IGF1R: variants seen among roughly 807,000 people sequenced by gnomAD.
IGF1R encodes the protein insulin-like growth factor 1 receptor.
In IGF1R, 44 loss-of-function variants were observed where a neutral mutation model predicts 144.6. The observed-to-expected ratio is 0.30, with a 90% confidence interval of 0.24 to 0.39. IGF1R has a LOEUF of 0.39. Among genes scored for constraint, IGF1R ranks in the 10% least tolerant of loss-of-function variants. The pLI is 1.00. For synonymous variants in IGF1R, 795 were observed against 722.8 expected, an observed-to-expected ratio of 1.10 and a Z score of -1.60; for missense variants, 1,355 against 1,833.7, an observed-to-expected ratio of 0.74 and a Z score of 4.77.
At chr15:98,833,433 T>C (rs2057037786) in intron 2 of IGF1R, among the ~76,000 whole-genome samples, 3 of 152,192 alleles carry the variant, frequency 2.0e-5, no homozygotes, top group Non-Finnish European at 2.9e-5. Context: ...GCACAGTATT[T>C]CCATCAGCTA....
At chr15:98,726,230 G>C (rs990463909) in intron 2 of IGF1R, among the ~76,000 whole-genome samples, 1 of 152,208 alleles carries the variant, frequency 6.6e-6, no homozygotes, top group Non-Finnish European at 1.5e-5. Flanking sequence ...GTGCCATGCA[G>C]CTAAGCAGCC....
chr15:98,912,716 C>G (rs1029337745), intron 7 of IGF1R, among the ~76,000 whole-genome samples: 1 of 151,380 alleles, frequency 6.6e-6, no homozygotes, highest in African/African-American at 2.4e-5. Flanking sequence ...CATTAACTGA[C>G]TATGCTTGTT....
intron 1 of IGF1R, among the ~76,000 whole-genome samples, chr15:98,664,387 G>A (rs1307929748): frequency 1.3e-5 from 2 of 152,140 alleles, no homozygotes; most frequent in African/African-American, 2.4e-5. Context: ...CCATCAGGCC[G>A]AGTGCGGTGG....
At chr15:98,733,718 A>G (rs1179723841) in intron 2 of IGF1R, among the ~76,000 whole-genome samples, 1 of 152,172 alleles carries the variant, frequency 6.6e-6, no homozygotes, top group Non-Finnish European at 1.5e-5. Flanking sequence ...AGGTCTTAAC[A>G]AGATCTAGGT....
chr15:98,927,971 T>C (rs2015788390), intron 13 of IGF1R, among the ~76,000 whole-genome samples: 1 of 152,214 alleles, frequency 6.6e-6, no homozygotes, highest in South Asian at 2.1e-4. Flanking sequence ...TCGAAAGGCC[T>C]CTTCTCTCCT....
At position 98,753,380 on chromosome 15, in the gene IGF1R, C is replaced by CTTTT. The variant is rs1173073572; in HGVS notation, c.640+45294_640+45297dup. On this transcript the variant is annotated intron_variant, in intron 2 of 20. Coordinates refer to ENST00000650285, the MANE Select transcript of IGF1R (RefSeq NM_000875.5). The stretch of plus-strand genomic sequence containing the variant: ...CACAAGTATGCACCACCATACCTGG[C>CTTTT]TTTTTTTTTTTTTTTTTTTTTTTTG... Among the ~76,000 whole-genome samples the CTTTT allele has an allele frequency of 6.3e-4, 38 of 60,292 alleles. 3 individuals carry two copies. Among genetic ancestry groups the CTTTT allele is most frequent in the African/African-American group, 2.0e-3 (29 of 14,640 alleles). The allele number at this position is 60,292 out of a possible 152,430, so 39.6% of individuals were successfully genotyped here.
intron 2 of IGF1R, among the ~76,000 whole-genome samples, chr15:98,854,860 A>C (rs1596362724): frequency 6.6e-6 from 1 of 151,508 alleles, no homozygotes; most frequent in African/African-American, 2.4e-5. Context: ...CAGTACGAGT[A>C]CCCTGGCCTG....
At chr15:98,936,954 C>G (rs1163533469) in intron 17 of IGF1R, among the ~76,000 whole-genome samples, 1 of 152,190 alleles carries the variant, frequency 6.6e-6, no homozygotes, top group Non-Finnish European at 1.5e-5. Flanking sequence ...GGCATGATCT[C>G]AGCTCACTGC....
At chr15:98,683,540 C>T (rs1596181372) in intron 1 of IGF1R, among the ~76,000 whole-genome samples, 4 of 152,156 alleles carry the variant, frequency 2.6e-5, no homozygotes, top group Admixed American at 2.6e-4. Flanking sequence ...ATGAGGTAAT[C>T]TTAGCTCAGC....
intron 2 of IGF1R, among the ~76,000 whole-genome samples, chr15:98,818,040 G>C (rs2056731189): frequency 6.6e-6 from 1 of 152,190 alleles, no homozygotes. Context: ...CTCATATAGT[G>C]GTGGGAGAGA....
intron 2 of IGF1R, among the ~76,000 whole-genome samples, chr15:98,802,774 T>C (rs1800381237): frequency 6.6e-6 from 1 of 152,228 alleles, no homozygotes; most frequent in Admixed American, 6.5e-5. Flanking sequence ...TTTTCTCATA[T>C]ATTAGCGGTC....
chr15:98,757,772 G>A (rs1309341868), intron 2 of IGF1R, among the ~76,000 whole-genome samples: 1 of 152,064 alleles, frequency 6.6e-6, no homozygotes, highest in East Asian at 1.9e-4. Flanking sequence ...TAATAGGGAC[G>A]TTCTGCCTTG....
chr15:98,810,278 G>A (rs2056558051), intron 2 of IGF1R, among the ~76,000 whole-genome samples: 1 of 152,142 alleles, frequency 6.6e-6, no homozygotes, highest in South Asian at 2.1e-4. Context: ...CATCCACTCT[G>A]TGCTTCAGCC....
At chr15:98,731,350 C>A (rs75745671) in intron 2 of IGF1R, among the ~76,000 whole-genome samples, 3 of 152,118 alleles carry the variant, frequency 2.0e-5, no homozygotes, top group Non-Finnish European at 4.4e-5. Context: ...TTCTCCTCTG[C>A]GTAAATCATC....
At chr15:98,691,942 C>T (rs2053486797) in intron 1 of IGF1R, among the ~76,000 whole-genome samples, 1 of 152,166 alleles carries the variant, frequency 6.6e-6, no homozygotes, top group Non-Finnish European at 1.5e-5. Context: ...TATGCTCCTC[C>T]CAAAAGTAGG....
rs57028832 is a variant in IGF1R at position 98,689,690 on chromosome 15, C to G, written c.95-17872C>G. On this transcript the variant is annotated intron_variant, in intron 1 of 20. Transcript: ENST00000650285. ...CTCAGAAGGCACATTAGGTTCTTGC[C>G]ACACTTTGCTGCCATCACAGATGGA... Among the ~76,000 whole-genome samples the G allele has an allele frequency of 4.4e-3, 675 of 152,302 alleles. 3 individuals carry two copies. Among genetic ancestry groups the G allele is most frequent in the African/African-American group, 0.015 (636 of 41,564 alleles).
chr15:98,772,523 T>A (rs2055613818), intron 2 of IGF1R, among the ~76,000 whole-genome samples: 2 of 149,782 alleles, frequency 1.3e-5, no homozygotes, highest in Non-Finnish European at 3.0e-5. Context: ...ATTTTAAGAA[T>A]TAGGTCTCTG....
chr15:98,950,204 C>T (rs1039797667), intron 20 of IGF1R, among the ~76,000 whole-genome samples: 5 of 152,238 alleles, frequency 3.3e-5, no homozygotes, highest in African/African-American at 1.2e-4. Flanking sequence ...ATCCACCCCC[C>T]TGGAGCCAGC....
intron 1 of IGF1R, among the ~76,000 whole-genome samples, chr15:98,706,873 T>C (rs1229440005): frequency 6.6e-6 from 1 of 151,970 alleles, no homozygotes; most frequent in Non-Finnish European, 1.5e-5. Flanking sequence ...GGAAGCATGC[T>C]TTCTTGATCA....
Sources: gnomAD v4.1 joint callset for allele counts (sites outside exome capture counted in the v4.1 genomes callset) on GRCh38, gnomAD v4.1.1 for gene constraint, MANE v1.5 for transcripts, NCBI Gene and HGNC (gene_info 2026-07-23, HGNC 2026-07-21) for gene names.